The following FAM227B variants were observed in gnomAD, a reference collection of about 807,000 sequenced individuals.
The protein encoded by FAM227B is protein FAM227B.
In FAM227B, 88 loss-of-function variants were observed where a neutral mutation model predicts 73.8. The observed-to-expected ratio is 1.19, with a 90% CI of 1.00 to 1.42. FAM227B has a LOEUF of 1.42. Among genes scored for constraint, FAM227B ranks in the 40% most tolerant of loss-of-function variants. The pLI, the probability that FAM227B is intolerant of heterozygous loss-of-function variation, is 0.00. For missense variants in FAM227B, 632 were observed against 590.9 expected, an observed-to-expected ratio of 1.07 and a Z score of -0.72; for synonymous variants, 210 against 190.5, an observed-to-expected ratio of 1.10 and a Z score of -0.84.
chr15:49,597,411 T>C lies in FAM227B; in HGVS notation c.106-7404A>G, dbSNP rs186220065. Among the ~76,000 whole-genome samples the C allele has an allele frequency of 4.4e-3, 675 of 151,962 alleles. 10 individuals carry two copies. The highest frequency in any genetic ancestry group is 0.016 in the African/African-American group (644 of 41,510). The stretch of plus-strand genomic sequence containing the variant: ...TGAAATCAAGATGGAAATTTAAAAA[T>C]TGAACTGAACAATAATATTGACACA... On this transcript the variant is annotated intron_variant, in intron 3 of 15. Transcript: ENST00000299338.
chr15:49,406,566 T>G (rs1204727483), intron 11 of FAM227B, among the ~76,000 whole-genome samples: 3 of 142,920 alleles, frequency 2.1e-5, no homozygotes, highest in Non-Finnish European at 3.0e-5. Context: ...GGCGGGAGGG[T>G]GGGGTGCTGG....
Position 49,542,840 on chromosome 15 carries a change from ATTAT to A in FAM227B, c.748-1038_748-1035del, listed in dbSNP as rs1351114750. On this transcript the variant is annotated intron_variant, in intron 9 of 15. Transcript: ENST00000299338. ...ACATGTGAAGGAGGTTTGTGAACAG[ATTAT>A]TTCTTTTTATAAACATTTCTTTTTG... 5.9e-5 allele frequency among the ~76,000 whole-genome samples: 9 copies of A among 151,894 alleles called. No homozygotes were observed. The East Asian group carries it at 1.7e-3, about 29-fold the overall frequency.
intron 11 of FAM227B, among the ~76,000 whole-genome samples, chr15:49,454,646 G>T (rs1320446837): frequency 6.6e-6 from 1 of 152,108 alleles, no homozygotes; most frequent in East Asian, 1.9e-4. Context: ...GTCTCGCTCT[G>T]TCACACAGGC....
At chr15:49,543,851 T>C (rs1173993032) in intron 9 of FAM227B, among the ~76,000 whole-genome samples, 1 of 152,138 alleles carries the variant, frequency 6.6e-6, no homozygotes, top group Non-Finnish European at 1.5e-5. Context: ...CTCTTCGATT[T>C]GTCTACTTGC....
At chr15:49,372,252 A>C (rs950737944) in intron 11 of FAM227B, among the ~76,000 whole-genome samples, 3 of 151,522 alleles carry the variant, frequency 2.0e-5, no homozygotes, top group African/African-American at 2.4e-5. Context: ...ACTTATAAAT[A>C]AATGAAATAA....
At chr15:49,462,878 T>C (rs373162430) in intron 11 of FAM227B, among the ~76,000 whole-genome samples, 60 of 152,294 alleles carry the variant, frequency 3.9e-4, no homozygotes, top group African/African-American at 1.4e-3. Flanking sequence ...AATAAATAAA[T>C]ACATTTTATT....
At chr15:49,539,418 T>C (rs1486207792) in intron 10 of FAM227B, among the ~76,000 whole-genome samples, 1 of 152,178 alleles carries the variant, frequency 6.6e-6, no homozygotes, top group Non-Finnish European at 1.5e-5. Flanking sequence ...GGCATCAGTG[T>C]CTGATGTTCA....
intron 11 of FAM227B, among the ~76,000 whole-genome samples, chr15:49,436,513 A>T (rs2051120446): frequency 6.6e-6 from 1 of 151,632 alleles, no homozygotes. Flanking sequence ...TAGTATTAAG[A>T]TAACAAAAAT....
intron 10 of FAM227B, among the ~76,000 whole-genome samples, chr15:49,531,093 A>C (rs2060573048): frequency 7.5e-6 from 1 of 133,400 alleles, no homozygotes; most frequent in Admixed American, 8.0e-5. Flanking sequence ...AAAAAGTTTA[A>C]ACTAATAATT....
chr15:49,510,921 T>C (rs2058948194), intron 10 of FAM227B, among the ~76,000 whole-genome samples: 1 of 152,072 alleles, frequency 6.6e-6, no homozygotes, highest in Non-Finnish European at 1.5e-5. Flanking sequence ...TTAAGAGGGA[T>C]GATACAATTC....
intron 11 of FAM227B, among the ~76,000 whole-genome samples, chr15:49,419,050 G>A (rs1236502404): frequency 6.6e-6 from 1 of 152,098 alleles, no homozygotes; most frequent in African/African-American, 2.4e-5. Context: ...CTCTTCTGGG[G>A]TATTCATTCA....
chr15:49,534,914 T>C (rs542990302), intron 10 of FAM227B, among the ~76,000 whole-genome samples: 1 of 151,400 alleles, frequency 6.6e-6, no homozygotes, highest in Non-Finnish European at 1.5e-5. Context: ...AAACATGACA[T>C]ACTAAAACCT....
At chr15:49,573,128 C>T (rs1428034281) in intron 8 of FAM227B, among the ~76,000 whole-genome samples, 3 of 151,934 alleles carry the variant, frequency 2.0e-5, no homozygotes, top group Non-Finnish European at 4.4e-5. Context: ...ACATTTTAAT[C>T]TGTTTTCATT....
At chr15:49,501,089 T>C (rs2042199942) in intron 11 of FAM227B, among the ~76,000 whole-genome samples, 1 of 152,204 alleles carries the variant, frequency 6.6e-6, no homozygotes, top group Admixed American at 6.5e-5. Context: ...GTCACGGGTA[T>C]TCTTTTATAG....
At chr15:49,513,623 AG>A (rs1377184149) in intron 10 of FAM227B, among the ~76,000 whole-genome samples, 1 of 152,070 alleles carries the variant, frequency 6.6e-6, no homozygotes, top group African/African-American at 2.4e-5. Flanking sequence ...TGTCAATTTC[AG>A]CTTTTGTTGC....
chr15:49,601,629 T>C lies in FAM227B; in HGVS notation c.105+9586A>G, dbSNP rs112332424. Among the ~76,000 whole-genome samples, 713 of 152,340 alleles carry C rather than the reference T, an allele frequency of 4.7e-3. 8 individuals carry two copies. The highest frequency in any genetic ancestry group is 0.016 in the African/African-American group (675 of 41,584). On this transcript the variant is annotated intron_variant, in intron 3 of 15. Coordinates refer to ENST00000299338, the MANE Select transcript of FAM227B (RefSeq NM_152647.3). ...ACCATCCCCTCAAGCATTTATCCTA[T>C]GTGTCACAAATAATCCAATTATACT...
Position 49,422,130 on chromosome 15 carries a change from G to GAGAGAGAGAGAC in FAM227B, c.1013-50732_1013-50731insGTCTCTCTCTCT, listed in dbSNP as rs2049700320. 1.4e-5 allele frequency among the ~76,000 whole-genome samples: 2 copies of GAGAGAGAGAGAC among 142,084 alleles called. 1 individual carries two copies. Among genetic ancestry groups the GAGAGAGAGAGAC allele is most frequent in the Admixed American group, 1.4e-4 (2 of 14,216 alleles). The allele number at this position is 142,084 out of a possible 152,430, so 93.2% of individuals were successfully genotyped here. ...GTAGTGCATTTCACATAGAGAGAGAGAGAGAGAGAGAGAGAGTGTGTGTGT... is the reference window on the plus strand; with the variant it reads ...GTAGTGCATTTCACATAGAGAGAGAGAGAGAGAGAGACAGAGAGAGAGAGAGAGTGTGTGTGT... On this transcript the variant is annotated intron_variant, in intron 11 of 15. Coordinates refer to ENST00000299338, the MANE Select transcript of FAM227B (RefSeq NM_152647.3).
intron 3 of FAM227B, among the ~76,000 whole-genome samples, chr15:49,598,906 G>C (rs1287695878): frequency 2.0e-5 from 3 of 151,962 alleles, no homozygotes; most frequent in Non-Finnish European, 4.4e-5. Flanking sequence ...ATGGTCCACA[G>C]TTTTCTTCTC....
chr15:49,441,354 C>A (rs2051623701), intron 11 of FAM227B, among the ~76,000 whole-genome samples: 1 of 151,676 alleles, frequency 6.6e-6, no homozygotes. Flanking sequence ...TAACATATGT[C>A]TTGGATTCAG....
Sources: gnomAD v4.1 joint callset for allele counts (sites outside exome capture counted in the v4.1 genomes callset) on GRCh38, gnomAD v4.1.1 for gene constraint, MANE v1.5 for transcripts, NCBI Gene and HGNC (gene_info 2026-07-23, HGNC 2026-07-21) for gene names.